The following ABCB11 variants were observed in gnomAD, a reference collection of about 807,000 sequenced individuals.
ABCB11 encodes ATP binding cassette subfamily B member 11.
A neutral mutation model predicts 148.0 loss-of-function variants in ABCB11; 95 were observed. The observed-to-expected ratio is 0.64, with a 90% CI of 0.54 to 0.76. The LOEUF (loss-of-function observed/expected upper bound fraction) is 0.76. Among genes scored for constraint, ABCB11 ranks in the 30% least tolerant of loss-of-function variants. The probability of loss-of-function intolerance (pLI) is 0.00; values close to 1 mark genes in which losing one functional copy is unlikely to be tolerated. For synonymous variants in ABCB11, 591 were observed against 555.4 expected (o/e 1.06, Z -0.90); for missense variants, 1,523 against 1,617.8 (o/e 0.94, Z 1.01).
chr2:169,014,046 C>T (rs928912689), intron 4 of ABCB11, among the ~76,000 whole-genome samples: 1 of 152,250 alleles, frequency 6.6e-6, no homozygotes, highest in Middle Eastern at 3.4e-3. Context: ...ACTTTCCTTA[C>T]AAATATGATA....
intron 23 of ABCB11, 91 bp downstream of exon 23, chr2:168,935,093 G>A (rs1420857258): frequency 1.3e-6 from 2 of 1,527,844 alleles, no homozygotes; most frequent in Non-Finnish European, 1.8e-6. Flanking sequence ...GCTTGGGATG[G>A]TTTGCTAAGC....
chr2:169,006,400 A>C (rs73020790), intron 5 of ABCB11, among the ~76,000 whole-genome samples: 4 of 152,130 alleles, frequency 2.6e-5, no homozygotes, highest in Non-Finnish European at 5.9e-5. Context: ...TCAACATAAT[A>C]AAGGACACTT....
intron 23 of ABCB11, among the ~76,000 whole-genome samples, chr2:168,932,806 A>G (rs934748254): frequency 6.6e-6 from 1 of 152,070 alleles, no homozygotes; most frequent in African/African-American, 2.4e-5. Context: ...TGACCACAAT[A>G]GCTTCCTTTA....
At chr2:168,973,605 A>G (rs1161939587) in intron 13 of ABCB11, 110 bp downstream of exon 13, 4 of 1,323,476 alleles carry the variant, frequency 3.0e-6, no homozygotes, top group South Asian at 1.6e-5. Flanking sequence ...TAAGTTAACT[A>G]TGCATGCCAG....
chr2:168,967,689 T>C (rs1693377563), intron 17 of ABCB11, among the ~76,000 whole-genome samples: 1 of 151,682 alleles, frequency 6.6e-6, no homozygotes, highest in African/African-American at 2.4e-5. Context: ...TCTTCTGACT[T>C]AAGAAAAAAA....
At chr2:168,977,139 A>G (rs1025463864) in intron 11 of ABCB11, among the ~76,000 whole-genome samples, 1 of 148,630 alleles carries the variant, frequency 6.7e-6, no homozygotes, top group South Asian at 2.1e-4. Flanking sequence ...AATATTATAA[A>G]TGTATAACAT....
At chr2:169,031,136 G>A (rs1228514067) in intron 1 of ABCB11, 89 bp downstream of exon 1, 3 of 152,172 alleles carry the variant, frequency 2.0e-5, no homozygotes, top group Non-Finnish European at 4.4e-5. Flanking sequence ...AGAGACCAAT[G>A]TTTAATAAAC....
rs564799342 is a variant in ABCB11, at chr2:168,937,624, T to C, written c.2611-1191A>G. ...ACACATGTGTCAAGTACTGATGCAT[T>C]TGGCTTGTTTGAAGATATCCAGCCA... is the stretch of plus-strand genomic sequence containing the variant. On this transcript the variant is annotated intron_variant, in intron 21 of 27. Coordinates refer to ENST00000650372, the MANE Select transcript of ABCB11 (RefSeq NM_003742.4). Among the ~76,000 whole-genome samples the C allele has an allele frequency of 2.6e-5, 4 of 152,360 alleles. No homozygotes were observed. In the East Asian group the frequency reaches 7.7e-4, roughly 29 times the overall value.
In ABCB11 at chr2:168,944,877, G is replaced by T; in HGVS notation, c.2428C>A (p.Leu810Ile). 6.3e-7 allele frequency: 1 copy of T among 1,585,330 alleles called. No homozygotes were observed. ...LLFVAMGCVS[L>I]FTQFLQGYAF... Reference sequence around the variant, plus strand: ...CTTACCTGTAGAAATTGGGTGAAAAGAGATACACAGCCCATTGCTACAAAA... The same window carrying T: ...CTTACCTGTAGAAATTGGGTGAAAATAGATACACAGCCCATTGCTACAAAA... Residue 810 changes from leucine to isoleucine, a missense_variant, in exon 20 of 28, where the codon CTT (leucine) becomes ATT (isoleucine). Leu to Ile is a conservative substitution (Grantham distance 5). Transcript: ENST00000650372.
intron 10 of ABCB11, among the ~76,000 whole-genome samples, chr2:168,984,280 T>C (rs562179735): frequency 6.6e-6 from 1 of 152,278 alleles, no homozygotes; most frequent in Non-Finnish European, 1.5e-5. Context: ...ATTTACATGG[T>C]TACTTATTTA....
chr2:168,953,925 C>T (rs1436670207), intron 19 of ABCB11, among the ~76,000 whole-genome samples: 1 of 151,546 alleles, frequency 6.6e-6, no homozygotes, highest in African/African-American at 2.4e-5. Context: ...GCTTGTCCTG[C>T]CTTTCCAGAC....
intron 5 of ABCB11, among the ~76,000 whole-genome samples, chr2:169,010,371 T>A (rs960637847): frequency 1.3e-5 from 2 of 152,214 alleles, no homozygotes; most frequent in Admixed American, 6.5e-5. Context: ...GACCTGACAC[T>A]CTGTAATCCT....
chr2:169,000,212 T>G (rs1187540545), intron 5 of ABCB11, among the ~76,000 whole-genome samples: 8 of 152,072 alleles, frequency 5.3e-5, no homozygotes, highest in African/African-American at 1.9e-4. Flanking sequence ...TCCTAGTCCT[T>G]TTTTGGATAT....
chr2:168,944,393 G>C (rs935647062), intron 21 of ABCB11, among the ~76,000 whole-genome samples: 4 of 152,016 alleles, frequency 2.6e-5, no homozygotes, highest in African/African-American at 4.8e-5. Context: ...AGATTTTGGT[G>C]CATGCCATAT....
At chr2:168,926,133 G>T (rs1471258518) in intron 26 of ABCB11, among the ~76,000 whole-genome samples, 3 of 152,150 alleles carry the variant, frequency 2.0e-5, no homozygotes, top group Non-Finnish European at 1.5e-5. Context: ...AAGTAGAGAA[G>T]GTTAAAGGTA....
chr2:168,956,240 C>G (rs1178952967), intron 19 of ABCB11, among the ~76,000 whole-genome samples: 1 of 151,630 alleles, frequency 6.6e-6, no homozygotes, highest in Non-Finnish European at 1.5e-5. Context: ...GAAATCCACC[C>G]ACCCATGATC....
At chr2:168,928,346 T>G (rs1156861825) in intron 25 of ABCB11, among the ~76,000 whole-genome samples, 1 of 152,188 alleles carries the variant, frequency 6.6e-6, no homozygotes, top group Non-Finnish European at 1.5e-5. Flanking sequence ...AAGACATGCT[T>G]CATGGTCCTT....
Position 168,930,858 on chromosome 2 carries a change from T to C in ABCB11, c.3218A>G (p.Asn1073Ser), listed in dbSNP as rs762789280. The C allele has an allele frequency of 5.6e-6, 9 of 1,594,650 alleles. No homozygotes were observed. The highest frequency in any genetic ancestry group is 7.7e-6 in the Non-Finnish European group (9 of 1,170,874). Residue 1073 changes from asparagine (N) to serine (S), a missense_variant, in exon 25 of 28, where the codon AAC becomes AGC. Asn to Ser is a conservative substitution (Grantham distance 46). Coordinates refer to ENST00000650372, the MANE Select transcript of ABCB11 (RefSeq NM_003742.4). ...VYNTAGEKWD[N>S]FQGKIDFVDC... ...AACAAAATCAATCTTCCCCTGGAAG[T>C]TGTCCTGTGGATGGGAGGATCAAAA... is the stretch of plus-strand genomic sequence containing the variant.
At chr2:169,020,177 A>C (rs1317333557) in intron 1 of ABCB11, among the ~76,000 whole-genome samples, 3 of 152,214 alleles carry the variant, frequency 2.0e-5, no homozygotes, top group South Asian at 4.1e-4. Flanking sequence ...TGTTAAGTTC[A>C]TTGTTATGAC....
Sources: allele counts gnomAD v4.1 joint callset (sites outside exome capture counted in the v4.1 genomes callset), GRCh38; gene constraint gnomAD v4.1.1; transcripts MANE v1.5; gene names NCBI Gene and HGNC (gene_info 2026-07-23, HGNC 2026-07-21).